Variants in PARP10 observed in about 807,000 individuals in gnomAD.
The protein encoded by PARP10 is poly(ADP-ribose) polymerase family member 10.
In PARP10, 56 loss-of-function variants were observed where a neutral mutation model predicts 82.4. The ratio of observed to expected loss-of-function variants is 0.68; its 90% CI spans 0.55 to 0.85. The LOEUF is 0.85. Among genes scored for constraint, PARP10 ranks in the 40% least tolerant of loss-of-function variants. PARP10 has a pLI of 0.00. For synonymous variants in PARP10, 576 were observed against 601.1 expected, an observed-to-expected ratio of 0.96 and a Z score of 0.61; for missense variants, 1,227 against 1,379.4, an observed-to-expected ratio of 0.89 and a Z score of 1.75.
upstream of PARP10, chr8:143,991,235 A>G (rs782371391): frequency 2.5e-6 from 4 of 1,579,056 alleles, no homozygotes; most frequent in Non-Finnish European, 2.6e-6. Flanking sequence ...TGTCCCATGA[A>G]AAGAGTTTTT....
upstream of PARP10, among the ~76,000 whole-genome samples, chr8:143,994,306 T>G (rs1554751066): frequency 2.2e-5 from 3 of 138,126 alleles, no homozygotes; most frequent in African/African-American, 8.8e-5. Context: ...TCCTGCATTA[T>G]CTCCAGGCCA....
Position 143,986,061 on chromosome 8 carries a change from G to T in PARP10, c.175C>A (p.Pro59Thr). The T allele has an allele frequency of 1.2e-6, 2 of 1,613,694 alleles. No homozygotes were observed. The highest frequency in any genetic ancestry group is 2.2e-5 in the East Asian group (1 of 44,866). The change falls in exon 2 of 11, where the codon CCT becomes ACT. Residue 59 changes from proline (P) to threonine (T), a missense_variant. Physicochemically the swap from Pro to Thr is conservative, Grantham distance 38 (BLOSUM62 -1). Transcript: ENST00000313028. ...GCGGVLTFREPADAERVLAQA... is the reference protein window; with the variant it reads ...GCGGVLTFRETADAERVLAQA... ...CTTCAGCCAGCCCTCTCACCTGCAG[G>T]CTCTCTGAAGGTGAGGACGCCCCCA...
intron 7 of PARP10, 97 bp downstream of exon 7, chr8:143,983,911 A>G (rs886638761): frequency 1.1e-5 from 16 of 1,488,478 alleles, no homozygotes; most frequent in African/African-American, 1.4e-5. Flanking sequence ...GGGTGGGCCT[A>G]AGATGGGTCA....
chr8:143,978,989 T>G (rs1833785963), intron 9 of PARP10, among the ~76,000 whole-genome samples: 1 of 149,386 alleles, frequency 6.7e-6, no homozygotes, highest in African/African-American at 2.5e-5. Flanking sequence ...TTTTTTTTCT[T>G]TGAGAGGGAG....
chr8:143,997,074 C>T (rs531299250), intron 1 of PARP10, among the ~76,000 whole-genome samples: 1 of 152,294 alleles, frequency 6.6e-6, no homozygotes, highest in African/African-American at 2.4e-5. Context: ...CCAGATGCTG[C>T]TTCCCAGGCA....
intron 1 of PARP10, among the ~76,000 whole-genome samples, chr8:144,007,217 T>C (rs1834242189): frequency 1.3e-5 from 2 of 152,174 alleles, no homozygotes; most frequent in African/African-American, 4.8e-5. Flanking sequence ...AAGTTCATAT[T>C]ACCAAAAGTC....
At chr8:143,997,640 CT>C (rs1834172869) in intron 1 of PARP10, among the ~76,000 whole-genome samples, 1 of 152,100 alleles carries the variant, frequency 6.6e-6, no homozygotes, top group Non-Finnish European at 1.5e-5. Context: ...TTGAAGTTCT[CT>C]TTGGAGAACT....
Position 143,983,543 on chromosome 8 carries a change from G to A in PARP10, c.2046C>T (p.Ala682=), listed in dbSNP as rs1554748298. The A allele has an allele frequency of 3.1e-6, 5 of 1,606,532 alleles. No individual in the cohort carries two copies. Among genetic ancestry groups the A allele is most frequent in the Non-Finnish European group, 4.2e-6 (5 of 1,176,796 alleles). ...GCTGCTCCAGCAGGGAGAGGGTTAG[G>A]GCTTGCCGCAGGGCAGCAGCCTCCT... ...EQEEAAALRQ[A]LTLSLLEQPP... Residue 682 remains alanine (A), a synonymous_variant, in exon 8 of 11, where the codon GCC becomes GCT. Coordinates refer to ENST00000313028, the MANE Select transcript of PARP10 (RefSeq NM_032789.5).
rs782026353 is a variant in PARP10, at chr8:143,984,718, C to T, written c.1284G>A (p.Gly428=). The change falls in exon 5 of 11, where the codon GGG becomes GGA. Residue 428 remains glycine (G), a synonymous_variant. Transcript: ENST00000313028. ...EITMGSLEKA[G]PVSPGCVKLA... Reference sequence around the variant, plus strand: ...GCTTCACACATCCTGGGCTCACAGGCCCTGCCTTCTCCAGAGACCCCATGG... The same window carrying T: ...GCTTCACACATCCTGGGCTCACAGGTCCTGCCTTCTCCAGAGACCCCATGG... 3 of 1,613,664 alleles carry T rather than the reference C, an allele frequency of 1.9e-6. No homozygotes were observed. The highest frequency in any genetic ancestry group is 3.3e-5 in the Admixed American group (2 of 59,972).
At chr8:143,992,938 C>A, upstream of PARP10, 2 of 1,030,158 alleles carry the variant, frequency 1.9e-6, no homozygotes, top group Non-Finnish European at 2.9e-6. Context: ...TCTCTCTTGT[C>A]CCCAGGCACA....
Position 143,985,936 on chromosome 8 carries a change from T to C in PARP10, c.221A>G (p.His74Arg), listed in dbSNP as rs1554749240. 4 of 1,580,074 alleles carry C rather than the reference T, an allele frequency of 2.5e-6. No individual in the cohort carries two copies. The highest frequency in any genetic ancestry group is 2.3e-5 in the East Asian group (1 of 44,292). ...TGGCCGCAGGCTCAGCTGGGCACCA[T>C]GTAGTTCGTGATCTGCCTGGGCCAA... ...RVLAQADHEL[H>R]GAQLSLRPAP... Residue 74 changes from histidine to arginine, a missense_variant, in exon 3 of 11, where the codon CAT becomes CGT. By Grantham distance (29) the His-to-Arg change is conservative. Transcript: ENST00000313028.
At chr8:143,984,170 C>A in intron 6 of PARP10, 40 bp downstream of exon 6, 1 of 1,544,616 alleles carries the variant, frequency 6.5e-7, no homozygotes, top group Non-Finnish European at 8.8e-7. Context: ...GGGGCAGAGG[C>A]GTGAGAAAGG....
chr8:144,012,413 CAGA>C, intron 1 of PARP10: 1 of 1,015,144 alleles, frequency 9.9e-7, no homozygotes, highest in Non-Finnish European at 1.5e-6. Flanking sequence ...GCCAGCCTTG[CAGA>C]CTCTGCACCC....
At chr8:144,002,147 T>C (rs1554751741) in intron 1 of PARP10, among the ~76,000 whole-genome samples, 1 of 152,172 alleles carries the variant, frequency 6.6e-6, no homozygotes, top group Non-Finnish European at 1.5e-5. Flanking sequence ...TTTTCTCTAC[T>C]TTTCAATAGG....
At chr8:143,991,190 T>C, upstream of PARP10, 1 of 1,507,216 alleles carries the variant, frequency 6.6e-7, no homozygotes, top group Non-Finnish European at 8.9e-7. Context: ...TCCTTGTCTG[T>C]CTTCTCTAGG....
chr8:143,990,553 C>G (rs1452445129), upstream of PARP10: 1 of 152,324 alleles, frequency 6.6e-6, no homozygotes. The surrounding 1 kb of genome is among the most constrained non-coding windows in gnomAD (Gnocchi z 5.6). Flanking sequence ...CCGCACGCCC[C>G]GTGGTCGCTT....
chr8:143,992,828 G>A (rs1177674378), upstream of PARP10: 6 of 1,613,208 alleles, frequency 3.7e-6, no homozygotes, highest in Non-Finnish European at 5.1e-6. Flanking sequence ...ATCATTGGCC[G>A]CGCCAAGGAG....
intron 9 of PARP10, among the ~76,000 whole-genome samples, chr8:143,979,127 C>T (rs1291699946): frequency 6.6e-6 from 1 of 152,156 alleles, no homozygotes; most frequent in Non-Finnish European, 1.5e-5. Context: ...CACCTGCCAC[C>T]GCGCCCGGCT....
upstream of PARP10, chr8:143,986,616 C>G: frequency 5.0e-6 from 3 of 600,210 alleles, no homozygotes; most frequent in Non-Finnish European, 8.8e-6. Context: ...CTCCAGCCAA[C>G]CCAGCCCAGC....
Sources: gnomAD v4.1 joint callset for allele counts (sites outside exome capture counted in the v4.1 genomes callset) on GRCh38, gnomAD v4.1.1 for gene constraint, Gnocchi (gnomAD v3.1) non-coding constraint, MANE v1.5 for transcripts, NCBI Gene and HGNC (gene_info 2026-07-23, HGNC 2026-07-21) for gene names.